FREM2: variants seen among roughly 807,000 people sequenced by gnomAD.
The protein encoded by FREM2 is FRAS1 related extracellular matrix 2, also known as FRAS1-related extracellular matrix protein 2.
A neutral mutation model predicts 219.9 loss-of-function variants in FREM2; 119 were observed. That is an observed-to-expected ratio of 0.54 (90% CI 0.47 to 0.63). The LOEUF is 0.63. Among genes scored for constraint, FREM2 ranks in the 30% least tolerant of loss-of-function variants. The probability of loss-of-function intolerance (pLI) is 0.00; values close to 1 mark genes in which losing one functional copy is unlikely to be tolerated. For missense variants in FREM2, 4,030 were observed against 3,993.6 expected, an observed-to-expected ratio of 1.01 and a Z score of -0.25; for synonymous variants, 1,562 against 1,522.8, an observed-to-expected ratio of 1.03 and a Z score of -0.60.
intron 6 of FREM2, among the ~76,000 whole-genome samples, chr13:38,833,494 C>T (rs887545950): frequency 6.6e-6 from 1 of 152,052 alleles, no homozygotes; most frequent in African/African-American, 2.4e-5. Flanking sequence ...TCTGAGCAAC[C>T]AAGTTTGTTC....
intron 2 of FREM2, among the ~76,000 whole-genome samples, chr13:38,699,691 T>C (rs1437172353): frequency 6.6e-6 from 1 of 152,108 alleles, no homozygotes; most frequent in Non-Finnish European, 1.5e-5. Context: ...TAGAATTTAC[T>C]TTAATTCCCC....
intron 15 of FREM2, among the ~76,000 whole-genome samples, 160 bp downstream of exon 15, chr13:38,861,722 T>TA (rs149929179): frequency 1.3e-5 from 2 of 152,358 alleles, no homozygotes; most frequent in African/African-American, 4.8e-5. Flanking sequence ...AGCTTTGTTC[T>TA]ACCCTGTTTT....
intron 2 of FREM2, among the ~76,000 whole-genome samples, chr13:38,746,022 T>C (rs1460668603): frequency 6.6e-6 from 1 of 152,166 alleles, no homozygotes; most frequent in Non-Finnish European, 1.5e-5. Context: ...ATGATTTCTG[T>C]ATTATATAAA....
Position 38,689,505 on chromosome 13 carries a change from C to T in FREM2, c.2161C>T (p.Leu721=). The T allele has an allele frequency of 1.2e-6, 2 of 1,614,096 alleles. No homozygotes were observed. Among genetic ancestry groups the T allele is most frequent in the Non-Finnish European group, 1.7e-6 (2 of 1,180,004 alleles). The change falls in exon 1 of 24, where the codon CTG becomes TTG. Residue 721 remains leucine, a synonymous_variant. Coordinates refer to ENST00000280481, the MANE Select transcript of FREM2 (RefSeq NM_207361.6). ...MVVQESQLTP[L]RKKWLRYTDL... ...GGTACAGGAATCCCAGCTCACACCA[C>T]TGAGGAAGAAGTGGCTGCGCTACAC...
intron 6 of FREM2, among the ~76,000 whole-genome samples, chr13:38,797,762 A>G (rs992280126): frequency 8.6e-5 from 13 of 151,942 alleles, no homozygotes; most frequent in African/African-American, 2.9e-4. Flanking sequence ...ATAGTTTTAT[A>G]GTAGTCTTAT....
chr13:38,705,972 T>A lies in FREM2; in HGVS notation c.5263+8185T>A, dbSNP rs115036859. 9.3e-3 allele frequency among the ~76,000 whole-genome samples: 1,422 copies of A among 152,330 alleles called. 20 individuals are homozygous for A. Among genetic ancestry groups the A allele is most frequent in the African/African-American group, 0.032 (1,340 of 41,568 alleles). ...ATGAGCCCTTCTGTAGTGCAACGTT[T>A]CAATGCTACGGAGGCTTCCAAAGTT... is the stretch of plus-strand genomic sequence containing the variant. On this transcript the variant is annotated intron_variant, in intron 2 of 23. Coordinates refer to ENST00000280481, the MANE Select transcript of FREM2 (RefSeq NM_207361.6).
intron 6 of FREM2, among the ~76,000 whole-genome samples, chr13:38,796,047 A>G (rs2137844202): frequency 6.6e-6 from 1 of 151,264 alleles, no homozygotes; most frequent in African/African-American, 2.4e-5. Context: ...TATTGAAAAG[A>G]TGTTGGGAAG....
rs1869619461 is a variant in FREM2 at position 38,688,561 on chromosome 13, G to T, written c.1217G>T (p.Arg406Leu). Residue 406 changes from arginine (R) to leucine (L), a missense_variant, in exon 1 of 24, where the codon CGC (arginine) becomes CTC (leucine). Arg to Leu is a moderately radical substitution (Grantham distance 102, BLOSUM62 -2). Around this residue, in one of 2 missense-constraint regions of FREM2, gnomAD observed 3,102 missense variants for 2,950.7 expected, o/e 1.05. Coordinates refer to ENST00000280481, the MANE Select transcript of FREM2 (RefSeq NM_207361.6). ...CCTTCTGAAGACTCTGACCAGGAGC[G>T]CCTCTTTGAACTGGAATTGGAGGTA... ...QPPSEDSDQE[R>L]LFELELEVVD... The T allele has an allele frequency of 6.2e-7, 1 of 1,613,390 alleles. No homozygotes were observed. The highest frequency in any genetic ancestry group is 8.5e-7 in the Non-Finnish European group (1 of 1,179,634).
intron 6 of FREM2, among the ~76,000 whole-genome samples, chr13:38,845,662 A>G (rs965612260): frequency 2.6e-5 from 4 of 152,206 alleles, no homozygotes; most frequent in African/African-American, 7.2e-5. Context: ...GTGAGCCTCT[A>G]TATAACTCAA....
rs772687353 is a variant in FREM2, at chr13:38,689,639, C to T, written c.2295C>T (p.Asp765=). The T allele has an allele frequency of 3.1e-6, 5 of 1,613,946 alleles. No individual in the cohort carries two copies. Among genetic ancestry groups the T allele is most frequent in the Non-Finnish European group, 4.2e-6 (5 of 1,180,016 alleles). The change falls in exon 1 of 24, where the codon GAC becomes GAT. Residue 765 remains aspartate (D), a synonymous_variant. Transcript: ENST00000280481. ...PAPLGTLVLT[D]NPSVVVTHFT... The stretch of plus-strand genomic sequence containing the variant: ...CACTGGGTACCTTGGTCTTGACTGA[C>T]AACCCCTCAGTCGTGGTGACCCATT...
At chr13:38,837,789 TG>T (rs1202515847) in intron 6 of FREM2, among the ~76,000 whole-genome samples, 2 of 149,716 alleles carry the variant, frequency 1.3e-5, no homozygotes, top group African/African-American at 5.0e-5. Context: ...TGTTTTGTTT[TG>T]TTTTTGCTTT....
At chr13:38,744,909 C>T (rs74906667) in intron 2 of FREM2, among the ~76,000 whole-genome samples, 7,737 of 152,274 alleles carry the variant, frequency 0.051, 623 homozygotes, top group African/African-American at 0.17. Context: ...GGTCATGATG[C>T]AATAACAAAT....
chr13:38,843,905 A>C (rs1189915631), intron 6 of FREM2, among the ~76,000 whole-genome samples: 2 of 150,178 alleles, frequency 1.3e-5, no homozygotes, highest in East Asian at 3.9e-4. Context: ...TTTTTTTCTT[A>C]TGGAAACTAC....
intron 6 of FREM2, among the ~76,000 whole-genome samples, chr13:38,804,735 A>G (rs1358147586): frequency 6.6e-6 from 1 of 152,168 alleles, no homozygotes; most frequent in Non-Finnish European, 1.5e-5. Context: ...ATGAAGAATA[A>G]GGCTACGTAT....
rs148618991 is a variant in FREM2 at position 38,762,240 on chromosome 13, T to A, written c.5264-2064T>A. On this transcript the variant is annotated intron_variant, in intron 2 of 23. Coordinates refer to ENST00000280481, the MANE Select transcript of FREM2 (RefSeq NM_207361.6). ...ATCCAGAGAAGTAACTTGGTCAGAGTCAGACAGCAGCTAGAAGTGATGTGG... is the reference window on the plus strand; with the variant it reads ...ATCCAGAGAAGTAACTTGGTCAGAGACAGACAGCAGCTAGAAGTGATGTGG... Among the ~76,000 whole-genome samples, 23 of 151,782 alleles carry A rather than the reference T, an allele frequency of 1.5e-4. No individual in the cohort carries two copies. In the East Asian group the frequency reaches 4.3e-3, roughly 28 times the overall value.
At chr13:38,821,035 G>A (rs188991818) in intron 6 of FREM2, among the ~76,000 whole-genome samples, 42 of 152,254 alleles carry the variant, frequency 2.8e-4, no homozygotes, top group Admixed American at 2.5e-3. Context: ...CTGTAGAGAT[G>A]TGAAACTTGC....
At chr13:38,837,768 T>C (rs1876769812) in intron 6 of FREM2, among the ~76,000 whole-genome samples, 1 of 147,968 alleles carries the variant, frequency 6.8e-6, no homozygotes, top group Non-Finnish European at 1.5e-5. Context: ...ACCCCTGGTT[T>C]TTTTTTGTTT....
chr13:38,770,973 T>C (rs1873640010), intron 4 of FREM2, among the ~76,000 whole-genome samples: 1 of 152,234 alleles, frequency 6.6e-6, no homozygotes, highest in Non-Finnish European at 1.5e-5. Flanking sequence ...CAGACATGAC[T>C]TTCTTTTAAA....
At chr13:38,712,591 TTTTC>T (rs966719681) in intron 2 of FREM2, among the ~76,000 whole-genome samples, 34 of 151,958 alleles carry the variant, frequency 2.2e-4, no homozygotes, top group East Asian at 1.9e-3. Flanking sequence ...TACATACACA[TTTTC>T]TTTCTTTCTT....
Sources: allele counts gnomAD v4.1 joint callset (sites outside exome capture counted in the v4.1 genomes callset), GRCh38; gene constraint gnomAD v4.1.1; regional missense constraint gnomAD v4.1.1; transcripts MANE v1.5; gene names NCBI Gene and HGNC (gene_info 2026-07-23, HGNC 2026-07-21).